NOPCHAP1: variants seen among roughly 807,000 people sequenced by gnomAD.
The protein encoded by NOPCHAP1 is NOP protein chaperone 1, also known as DNA damage-sensitive RNA 1.
In NOPCHAP1, 13 loss-of-function variants were observed where a neutral mutation model predicts 14.0. The observed-to-expected ratio is 0.93, with a 90% CI of 0.60 to 1.47. The LOEUF (loss-of-function observed/expected upper bound fraction) is 1.47. Among genes scored for constraint, NOPCHAP1 ranks in the 40% most tolerant of loss-of-function variants. The pLI is 0.00. For missense variants in NOPCHAP1, 230 were observed against 226.9 expected, an observed-to-expected ratio of 1.01 and a Z score of -0.09; for synonymous variants, 78 against 78.4, an observed-to-expected ratio of 1.00 and a Z score of 0.03.
chr12:105,003,239 G>A lies in NOPCHAP1; in HGVS notation c.*8543G>A, dbSNP rs1873644503. 6.6e-6 allele frequency: 1 copy of A among 152,132 alleles called. No individual in the cohort carries two copies. The highest frequency in any genetic ancestry group is 1.5e-5 in the Non-Finnish European group (1 of 68,026). 9.4% of individuals were successfully genotyped at this position (152,132 alleles called of 1,614,324 possible). On this transcript the variant is annotated 3_prime_UTR_variant, in exon 4 of 4. Coordinates refer to ENST00000552951, the MANE Select transcript of NOPCHAP1 (RefSeq NM_152318.3). Reference sequence around the variant, plus strand: ...TAAAACTTTCCCACTGTGGGCCACTGGAATTCTAATTTTTTTTGTGTGTGT... The same window carrying A: ...TAAAACTTTCCCACTGTGGGCCACTAGAATTCTAATTTTTTTTGTGTGTGT...
rs1873478467 is a variant in NOPCHAP1, at chr12:104,995,380, G to C, written c.*684G>C. The C allele has an allele frequency of 6.6e-6, 1 of 152,152 alleles. No individual in the cohort carries two copies. The highest frequency in any genetic ancestry group is 6.5e-5 in the Admixed American group (1 of 15,272). 9.4% of individuals were successfully genotyped at this position (152,152 alleles called of 1,614,324 possible). A position where few individuals can be genotyped will look rare whatever the true frequency, so the allele number is the denominator to read the frequency against. On this transcript the variant is annotated 3_prime_UTR_variant, in exon 4 of 4. Transcript: ENST00000552951. ...GAAACAATAGTGTCAGCTACAAATTGTATTGAATTTTCTGTAGTAGCAAAA... is the reference window on the plus strand; with the variant it reads ...GAAACAATAGTGTCAGCTACAAATTCTATTGAATTTTCTGTAGTAGCAAAA...
rs528777567 is a variant in NOPCHAP1, at chr12:105,001,185, C to G, written c.*6489C>G. On this transcript the variant is annotated 3_prime_UTR_variant, in exon 4 of 4. Transcript: ENST00000552951. Reference sequence around the variant, plus strand: ...ACAGGTTCTTCTATTGCTGGAAATTCCTCCAGGGAAGCCCCAGAAGGAAAC... The same window carrying G: ...ACAGGTTCTTCTATTGCTGGAAATTGCTCCAGGGAAGCCCCAGAAGGAAAC... The G allele has an allele frequency of 1.3e-5, 2 of 152,160 alleles. No homozygotes were observed. The highest frequency in any genetic ancestry group is 4.2e-4 in the South Asian group (2 of 4,814). 9.4% of individuals were successfully genotyped at this position (152,160 alleles called of 1,614,324 possible).
rs563822263 is a variant in NOPCHAP1 at position 105,007,123 on chromosome 12, T to C, written c.*12427T>C. 6.6e-6 allele frequency: 1 copy of C among 152,234 alleles called. No homozygotes were observed. The highest frequency in any genetic ancestry group is 2.1e-4 in the South Asian group (1 of 4,828). 9.4% of individuals were successfully genotyped at this position (152,234 alleles called of 1,614,324 possible). ...TTTAGACCCTTCACTTTCCCTTTGC[T>C]CTATGTTGTCATTTAATAACTTCCC... On this transcript the variant is annotated 3_prime_UTR_variant, in exon 4 of 4. Coordinates refer to ENST00000552951, the MANE Select transcript of NOPCHAP1 (RefSeq NM_152318.3).
In NOPCHAP1 at chr12:105,014,675, T is replaced by G. The variant is rs1193512311; in HGVS notation, c.*19979T>G. On this transcript the variant is annotated 3_prime_UTR_variant, in exon 4 of 4. Transcript: ENST00000552951. ...AGTTTTTAGTTGATTTTTTTTTTTT[T>G]GTAAAGCAAAACTTCTTATCTCAGC... 3 of 144,948 alleles carry G rather than the reference T, an allele frequency of 2.1e-5. No homozygotes were observed. Among genetic ancestry groups the G allele is most frequent in the South Asian group, 2.2e-4 (1 of 4,512 alleles). The allele number at this position is 144,948 out of a possible 1,614,324, so 9.0% of individuals were successfully genotyped here.
At position 105,004,741 on chromosome 12, in the gene NOPCHAP1, C is replaced by T. The variant is rs1030507982; in HGVS notation, c.*10045C>T. 6.6e-6 allele frequency: 1 copy of T among 152,062 alleles called. No homozygotes were observed. Among genetic ancestry groups the T allele is most frequent in the African/African-American group, 2.4e-5 (1 of 41,402 alleles). The allele number at this position is 152,062 out of a possible 1,614,324, so 9.4% of individuals were successfully genotyped here. On this transcript the variant is annotated 3_prime_UTR_variant, in exon 4 of 4. Transcript: ENST00000552951. ...AAAAGAATTACTTATACAGTTGATC[C>T]TTGAACAATGCAGGAGTTAGGGTGC...
chr12:104,999,295 T>A lies in NOPCHAP1; in HGVS notation c.*4599T>A, dbSNP rs1178362052. The A allele has an allele frequency of 6.6e-6, 1 of 150,874 alleles. No individual in the cohort carries two copies. Among genetic ancestry groups the A allele is most frequent in the Non-Finnish European group, 1.5e-5 (1 of 67,890 alleles). 9.3% of individuals were successfully genotyped at this position (150,874 alleles called of 1,614,324 possible). ...GGGAGTCTGCAGTGGGAGGAGAGAGTGGGATCAGGTGGTCTGGTGCACGGT... is the reference window on the plus strand; with the variant it reads ...GGGAGTCTGCAGTGGGAGGAGAGAGAGGGATCAGGTGGTCTGGTGCACGGT... On this transcript the variant is annotated 3_prime_UTR_variant, in exon 4 of 4. Transcript: ENST00000552951.
In NOPCHAP1 at chr12:105,016,923, G is replaced by A. The variant is rs12828649; in HGVS notation, c.*22227G>A. On this transcript the variant is annotated 3_prime_UTR_variant, in exon 4 of 4. Coordinates refer to ENST00000552951, the MANE Select transcript of NOPCHAP1 (RefSeq NM_152318.3). ...AACTCTTTGCTTACCCTGATGCTTA[G>A]GTGTGAGTTGATGGCAGTTTGGCAT... 1 of 152,168 alleles carries A rather than the reference G, an allele frequency of 6.6e-6. No individual in the cohort carries two copies. Among genetic ancestry groups the A allele is most frequent in the Non-Finnish European group, 1.5e-5 (1 of 68,038 alleles). 9.4% of individuals were successfully genotyped at this position (152,168 alleles called of 1,614,324 possible). A position where few individuals can be genotyped will look rare whatever the true frequency, so the allele number is the denominator to read the frequency against.
chr12:105,003,171 T>G lies in NOPCHAP1; in HGVS notation c.*8475T>G, dbSNP rs991526296. The stretch of plus-strand genomic sequence containing the variant: ...TTGCTTATGAAGCATTTTGGATTCT[T>G]TCTTTTGTAGTGTGCCTTGCAAGTG... On this transcript the variant is annotated 3_prime_UTR_variant, in exon 4 of 4. Coordinates refer to ENST00000552951, the MANE Select transcript of NOPCHAP1 (RefSeq NM_152318.3). 3 of 152,258 alleles carry G rather than the reference T, an allele frequency of 2.0e-5. No individual in the cohort carries two copies. The highest frequency in any genetic ancestry group is 2.0e-4 in the Admixed American group (3 of 15,284). 9.4% of individuals were successfully genotyped at this position (152,258 alleles called of 1,614,324 possible). A position where few individuals can be genotyped will look rare whatever the true frequency, so the allele number is the denominator to read the frequency against.
intron 3 of NOPCHAP1, among the ~76,000 whole-genome samples, chr12:104,992,528 C>T (rs1359263353): frequency 3.3e-5 from 5 of 152,196 alleles, no homozygotes; most frequent in African/African-American, 4.8e-5. Context: ...CTTCCCATCA[C>T]GTTTCAAATA....
rs1873947445 is a variant in NOPCHAP1, at chr12:105,016,382, C to T, written c.*21686C>T. ...TACTAGTCTAAGAGTTACCACCACT[C>T]ATACATATGTAAAGGCTAATGGAGT... On this transcript the variant is annotated 3_prime_UTR_variant, in exon 4 of 4. Coordinates refer to ENST00000552951, the MANE Select transcript of NOPCHAP1 (RefSeq NM_152318.3). 6.6e-6 allele frequency: 1 copy of T among 152,152 alleles called. No homozygotes were observed. 9.4% of individuals were successfully genotyped at this position (152,152 alleles called of 1,614,324 possible). A position where few individuals can be genotyped will look rare whatever the true frequency, so the allele number is the denominator to read the frequency against.
In NOPCHAP1 at chr12:104,999,045, G is replaced by A. The variant is rs1304943865; in HGVS notation, c.*4349G>A. ...AGTTTTGCAGCTGGTGGCAGTGTTGGTGTCGGAGTGGGGTACTGGTGGTCT... is the reference window on the plus strand; with the variant it reads ...AGTTTTGCAGCTGGTGGCAGTGTTGATGTCGGAGTGGGGTACTGGTGGTCT... On this transcript the variant is annotated 3_prime_UTR_variant, in exon 4 of 4. Coordinates refer to ENST00000552951, the MANE Select transcript of NOPCHAP1 (RefSeq NM_152318.3). The A allele has an allele frequency of 1.3e-5, 2 of 153,084 alleles. No individual in the cohort carries two copies. Among genetic ancestry groups the A allele is most frequent in the Non-Finnish European group, 2.9e-5 (2 of 68,728 alleles). 9.5% of individuals were successfully genotyped at this position (153,084 alleles called of 1,614,324 possible).
At position 104,999,350 on chromosome 12, in the gene NOPCHAP1, C is replaced by G. The variant is rs543442787; in HGVS notation, c.*4654C>G. ...TGTGGGTGGGGGTAGTACTGGAGTT[C>G]TCTGCCATTCAGGCACGATCTGCCA... On this transcript the variant is annotated 3_prime_UTR_variant, in exon 4 of 4. Coordinates refer to ENST00000552951, the MANE Select transcript of NOPCHAP1 (RefSeq NM_152318.3). 6.6e-6 allele frequency: 1 copy of G among 152,514 alleles called. No homozygotes were observed. The highest frequency in any genetic ancestry group is 2.1e-4 in the South Asian group (1 of 4,826). 9.4% of individuals were successfully genotyped at this position (152,514 alleles called of 1,614,324 possible).
At chr12:104,991,274 A>G (rs906166310) in intron 2 of NOPCHAP1, among the ~76,000 whole-genome samples, 3 of 152,212 alleles carry the variant, frequency 2.0e-5, no homozygotes, top group African/African-American at 7.2e-5. Flanking sequence ...TTATATTATC[A>G]GAAGAAAGGG....
rs906746893 is a variant in NOPCHAP1 at position 105,003,480 on chromosome 12, A to C, written c.*8784A>C. On this transcript the variant is annotated 3_prime_UTR_variant, in exon 4 of 4. Transcript: ENST00000552951. ...TTGTTCAAGTAAATTTGGAGAGCTC[A>C]AAACACAAATCTGTGTAGCTTTAAT... 2.0e-5 allele frequency: 3 copies of C among 152,232 alleles called. No homozygotes were observed. The highest frequency in any genetic ancestry group is 7.2e-5 in the African/African-American group (3 of 41,464). 9.4% of individuals were successfully genotyped at this position (152,232 alleles called of 1,614,324 possible).
intron 2 of NOPCHAP1, among the ~76,000 whole-genome samples, chr12:104,988,486 G>A (rs1349277369): frequency 6.6e-6 from 1 of 152,078 alleles, no homozygotes; most frequent in Non-Finnish European, 1.5e-5. Context: ...TTGAATTTTG[G>A]GAAGTCAAAA....
Position 105,010,557 on chromosome 12 carries a change from A to C in NOPCHAP1, c.*15861A>C, listed in dbSNP as rs923194417. On this transcript the variant is annotated 3_prime_UTR_variant, in exon 4 of 4. Transcript: ENST00000552951. ...TGCTCTCGCTTCTCTGGTTCTTTTA[A>C]TTGTGATGTTAGAGTATCGATTTTA... 3.9e-5 allele frequency: 6 copies of C among 151,976 alleles called. No individual in the cohort carries two copies. The highest frequency in any genetic ancestry group is 7.4e-5 in the Non-Finnish European group (5 of 68,002). The allele number at this position is 151,976 out of a possible 1,614,324, so 9.4% of individuals were successfully genotyped here.
Position 104,988,319 on chromosome 12 carries a change from G to T in NOPCHAP1, c.202+66G>T. The T allele has an allele frequency of 2.4e-6, 3 of 1,272,912 alleles. 1 individual carries two copies. The highest frequency in any genetic ancestry group is 2.6e-5 in the South Asian group (2 of 77,106). The allele number at this position is 1,272,912 out of a possible 1,614,324, so 78.9% of individuals were successfully genotyped here. On this transcript the variant is annotated intron_variant, in intron 2 of 3. Coordinates refer to ENST00000552951, the MANE Select transcript of NOPCHAP1 (RefSeq NM_152318.3). ...GTTTTGTCTGATTAAGCTGTGGGACGGTCTCTGCCTTCATTGTCAGGTATC... is the reference window on the plus strand; with the variant it reads ...GTTTTGTCTGATTAAGCTGTGGGACTGTCTCTGCCTTCATTGTCAGGTATC...
chr12:105,014,982 T>A lies in NOPCHAP1; in HGVS notation c.*20286T>A, dbSNP rs976966042. On this transcript the variant is annotated 3_prime_UTR_variant, in exon 4 of 4. Coordinates refer to ENST00000552951, the MANE Select transcript of NOPCHAP1 (RefSeq NM_152318.3). Reference sequence around the variant, plus strand: ...TGAGTGGGCAGAGCTGATGGAACTTTGTCTGCTAATGTTTTCGGGTTTTCT... The same window carrying A: ...TGAGTGGGCAGAGCTGATGGAACTTAGTCTGCTAATGTTTTCGGGTTTTCT... 2.6e-5 allele frequency: 4 copies of A among 152,254 alleles called. No individual in the cohort carries two copies. Among genetic ancestry groups the A allele is most frequent in the African/African-American group, 9.6e-5 (4 of 41,466 alleles). 9.4% of individuals were successfully genotyped at this position (152,254 alleles called of 1,614,324 possible). A position where few individuals can be genotyped will look rare whatever the true frequency, so the allele number is the denominator to read the frequency against.
chr12:104,986,590 G>T, intron 1 of NOPCHAP1, 123 bp downstream of exon 1: 1 of 764,684 alleles, frequency 1.3e-6, no homozygotes, highest in Admixed American at 3.8e-5. Flanking sequence ...GGAGCCCCGG[G>T]GACTGCTGCG....
Sources: gnomAD v4.1 joint callset for allele counts (sites outside exome capture counted in the v4.1 genomes callset) on GRCh38, gnomAD v4.1.1 for gene constraint, MANE v1.5 for transcripts, NCBI Gene and HGNC (gene_info 2026-07-23, HGNC 2026-07-21) for gene names.